Variants in ZNF831 observed in about 807,000 individuals in gnomAD.
ZNF831 encodes the protein chromosome 20 open reading frame 174.
In ZNF831, 59 loss-of-function variants were observed where a neutral mutation model predicts 95.8. The observed-to-expected ratio is 0.62, with a 90% CI of 0.50 to 0.77. The LOEUF is 0.77. Ranked by LOEUF, ZNF831 falls within the 30% of genes least tolerant of loss-of-function variation. ZNF831 has a pLI of 0.00. For missense variants in ZNF831, 2,205 were observed against 2,164.0 expected, an observed-to-expected ratio of 1.02 and a Z score of -0.38; for synonymous variants, 961 against 925.5, an observed-to-expected ratio of 1.04 and a Z score of -0.70.
intron 1 of ZNF831, among the ~76,000 whole-genome samples, chr20:59,167,390 T>C (rs1981362032): frequency 6.6e-6 from 1 of 152,024 alleles, no homozygotes; most frequent in South Asian, 2.1e-4. Flanking sequence ...TGTAGCTAGT[T>C]TTTTATTCTC....
intron 4 of ZNF831, among the ~76,000 whole-genome samples, chr20:59,224,818 C>A (rs573113079): frequency 1.3e-3 from 192 of 152,224 alleles, no homozygotes; most frequent in African/African-American, 4.4e-3. Context: ...TCATCTTTGT[C>A]CAAACAAATT....
chr20:59,130,893 T>C (rs1979332430), intron 1 of ZNF831, among the ~76,000 whole-genome samples: 1 of 152,036 alleles, frequency 6.6e-6, no homozygotes. Flanking sequence ...ACTTTGACAA[T>C]GGCTGAGCTC....
In ZNF831 at chr20:59,136,984, C is replaced by T. The variant is rs192719489; in HGVS notation, c.-1424-9247C>T. Among the ~76,000 whole-genome samples the T allele has an allele frequency of 1.6e-3, 249 of 152,286 alleles. 2 individuals are homozygous for T. Among genetic ancestry groups the T allele is most frequent in the Admixed American group, 5.4e-3 (83 of 15,300 alleles). ...GCATCCACCTTCCACCCCTTTGTTC[C>T]TCCTGGAATAAGCTGGTGAAGCACC... is the stretch of plus-strand genomic sequence containing the variant. On this transcript the variant is annotated intron_variant, in intron 1 of 7. Transcript: ENST00000637017.
chr20:59,201,328 T>G (rs1403836803), intron 3 of ZNF831, among the ~76,000 whole-genome samples: 1 of 152,110 alleles, frequency 6.6e-6, no homozygotes. Context: ...CAAAAATGGG[T>G]TGTTTTCTTA....
Position 59,192,106 on chromosome 20 carries a change from C to T in ZNF831, c.1087C>T (p.Leu363=), listed in dbSNP as rs746608071. The T allele has an allele frequency of 2.5e-6, 4 of 1,587,808 alleles. No homozygotes were observed. In the South Asian group the frequency reaches 4.5e-5, roughly 18 times the overall value. The part of the protein sequence containing the change: ...AEQPHAPCSP[L]HSLSEHSAES... ...GCAGCCGCATGCGCCCTGCAGCCCC[C>T]TGCACAGCCTTTCGGAGCACAGCGC... Residue 363 remains leucine (L), a synonymous_variant, in exon 2 of 6, where the codon CTG becomes TTG. Coordinates refer to ENST00000371030, the MANE Select transcript of ZNF831 (RefSeq NM_178457.3). This position sits in a 1 kb window ranked among gnomAD's most constrained non-coding sequence, Gnocchi z 5.2.
intron 1 of ZNF831, among the ~76,000 whole-genome samples, chr20:59,128,715 G>T (rs964025024): frequency 2.0e-5 from 3 of 152,220 alleles, no homozygotes; most frequent in African/African-American, 7.2e-5. Context: ...TCAGGCCGGG[G>T]AAGTGGTAAG....
At chr20:59,245,275 T>TA (rs1272453469) in intron 4 of ZNF831, among the ~76,000 whole-genome samples, 1 of 152,192 alleles carries the variant, frequency 6.6e-6, no homozygotes, top group East Asian at 1.9e-4. Context: ...GCATGTGAAA[T>TA]ACAGATTTTG....
chr20:59,229,553 C>T (rs1411404264), intron 4 of ZNF831, among the ~76,000 whole-genome samples: 1 of 152,148 alleles, frequency 6.6e-6, no homozygotes, highest in East Asian at 1.9e-4. Flanking sequence ...TCAACCATAC[C>T]TTCTACTTTA....
chr20:59,129,404 A>C (rs550581801), intron 1 of ZNF831, among the ~76,000 whole-genome samples: 21 of 152,242 alleles, frequency 1.4e-4, no homozygotes, highest in African/African-American at 5.1e-4. Flanking sequence ...AGGCGGGTGG[A>C]TCACCTGAGG....
intron 1 of ZNF831, among the ~76,000 whole-genome samples, chr20:59,131,272 A>G (rs756557110): frequency 9.9e-5 from 15 of 152,192 alleles, no homozygotes; most frequent in Non-Finnish European, 1.9e-4. Context: ...CTTCACGTTC[A>G]TCTCCAGCTC....
intron 5 of ZNF831, among the ~76,000 whole-genome samples, chr20:59,253,344 G>A (rs114645071): frequency 2.1e-3 from 318 of 152,166 alleles, no homozygotes; most frequent in African/African-American, 7.3e-3. Context: ...ACATTGGGAT[G>A]ATTTCTGATG....
chr20:59,151,611 C>T (rs1465245710), intron 2 of ZNF831, among the ~76,000 whole-genome samples: 1 of 152,178 alleles, frequency 6.6e-6, no homozygotes, highest in African/African-American at 2.4e-5. Context: ...TCAGGTGAAT[C>T]GCTGCCAGGT....
At chr20:59,223,708 T>C (rs963490059) in intron 4 of ZNF831, among the ~76,000 whole-genome samples, 3 of 152,236 alleles carry the variant, frequency 2.0e-5, no homozygotes, top group Non-Finnish European at 4.4e-5. Context: ...CATATAACCT[T>C]GGCTGTTGTG....
chr20:59,207,444 A>G (rs1363248676), intron 4 of ZNF831, among the ~76,000 whole-genome samples: 1 of 152,190 alleles, frequency 6.6e-6, no homozygotes, highest in Non-Finnish European at 1.5e-5. Context: ...TTGTAAAGCT[A>G]AAGTGGGTCT....
At chr20:59,128,647 C>A (rs1979253973) in intron 1 of ZNF831, among the ~76,000 whole-genome samples, 2 of 152,192 alleles carry the variant, frequency 1.3e-5, no homozygotes, top group South Asian at 4.1e-4. Flanking sequence ...ATGGTAGCCA[C>A]TTGTTGGGGG....
chr20:59,240,999 T>G (rs1373955395), intron 4 of ZNF831, among the ~76,000 whole-genome samples: 2 of 152,020 alleles, frequency 1.3e-5, no homozygotes, highest in African/African-American at 2.4e-5. Context: ...AAGATAGAGA[T>G]GCTACTGTGC....
At chr20:59,195,669 G>A (rs1035536386) in intron 2 of ZNF831, 200 bp from the exon 3 acceptor site, 6 of 651,868 alleles carry the variant, frequency 9.2e-6, no homozygotes, top group East Asian at 1.4e-4. Context: ...AAGCCCAGGC[G>A]GGGTTTCAGG....
At chr20:59,249,324 T>C (rs1987770948) in intron 4 of ZNF831, among the ~76,000 whole-genome samples, 1 of 152,202 alleles carries the variant, frequency 6.6e-6, no homozygotes, top group South Asian at 2.1e-4. Flanking sequence ...CATTAGTGTC[T>C]GGAATAGCCT....
chr20:59,136,024 C>T (rs1435967135), intron 1 of ZNF831, among the ~76,000 whole-genome samples: 1 of 152,126 alleles, frequency 6.6e-6, no homozygotes, highest in Non-Finnish European at 1.5e-5. Context: ...GGGAAGAATC[C>T]ACTTCCAAGC....
Sources: gnomAD v4.1 joint callset for allele counts (sites outside exome capture counted in the v4.1 genomes callset) on GRCh38, gnomAD v4.1.1 for gene constraint, Gnocchi (gnomAD v3.1) non-coding constraint, MANE v1.5 for transcripts, NCBI Gene and HGNC (gene_info 2026-07-23, HGNC 2026-07-21) for gene names.